Variants in TXNRD2 observed in about 807,000 individuals in gnomAD.
The protein encoded by TXNRD2 is thioredoxin reductase 2.
Under a neutral mutation model 70.8 loss-of-function variants are expected in TXNRD2, and 67 were observed. The observed-to-expected ratio is 0.95, with a 90% CI of 0.78 to 1.16. The LOEUF (loss-of-function observed/expected upper bound fraction) is 1.16. Among genes scored for constraint, TXNRD2 ranks in the 50% most tolerant of loss-of-function variants. The pLI is 0.00. For synonymous variants in TXNRD2, 301 were observed against 295.8 expected (o/e 1.02, Z -0.18); for missense variants, 644 against 719.9 (o/e 0.89, Z 1.21).
chr22:19,884,301 C>G (rs978134501), intron 11 of TXNRD2: 1 of 152,276 alleles, frequency 6.6e-6, no homozygotes, highest in South Asian at 2.1e-4. Context: ...GGGGTGCCAC[C>G]GGTGGAAACT....
intron 2 of TXNRD2, among the ~76,000 whole-genome samples, chr22:19,928,258 C>T (rs1328712317): frequency 6.6e-6 from 1 of 152,170 alleles, no homozygotes; most frequent in Non-Finnish European, 1.5e-5. Flanking sequence ...TATATCCACA[C>T]AAACACACAG....
intron 11 of TXNRD2, chr22:19,894,632 G>T (rs144547536): frequency 2.4e-4 from 43 of 179,478 alleles, no homozygotes; most frequent in Admixed American, 2.2e-3. Context: ...TGTTTCACAC[G>T]CAAAAAAAGA....
chr22:19,914,099 C>T (rs1169778578), intron 7 of TXNRD2, among the ~76,000 whole-genome samples: 6 of 152,138 alleles, frequency 3.9e-5, no homozygotes, highest in African/African-American at 7.2e-5. Context: ...TTACAAGATA[C>T]GTGAAGAAAC....
intron 8 of TXNRD2, among the ~76,000 whole-genome samples, chr22:19,904,288 C>T (rs1283847316): frequency 6.6e-6 from 1 of 152,258 alleles, no homozygotes. Flanking sequence ...ACCAGGTGCT[C>T]AGCCCACTCT....
chr22:19,902,134 C>G (rs530133254), intron 8 of TXNRD2, among the ~76,000 whole-genome samples: 1 of 152,306 alleles, frequency 6.6e-6, no homozygotes, highest in East Asian at 1.9e-4. Flanking sequence ...GAGTTTGAGG[C>G]TGCAGTAAGC....
intron 14 of TXNRD2, among the ~76,000 whole-genome samples, chr22:19,878,806 G>A (rs1157862353): frequency 6.6e-6 from 1 of 152,194 alleles, no homozygotes; most frequent in African/African-American, 2.4e-5. Context: ...AAGAATGGGT[G>A]AGCAGGAGGC....
intron 8 of TXNRD2, among the ~76,000 whole-genome samples, chr22:19,909,906 A>T (rs1232327952): frequency 1.3e-3 from 29 of 22,052 alleles, no homozygotes; most frequent in South Asian, 1.7e-3. Flanking sequence ...CACACACCAC[A>T]CACCCACACC....
rs755959199 is a variant in TXNRD2 at position 19,931,041 on chromosome 22, C to A, written c.161G>T (p.Cys54Phe). 1 of 1,613,812 alleles carries A rather than the reference C, an allele frequency of 6.2e-7. No individual in the cohort carries two copies. The highest frequency in any genetic ancestry group is 1.1e-5 in the South Asian group (1 of 91,078). ...VVGGGSGGLA[C>F]AKEAAQLGRK... ...TACAGAATACATACCCTCCTTGGCA[C>A]AAGCCAGGCCACCAGATCCCCCGCC... The change falls in exon 2 of 18, where the codon TGT becomes TTT. Residue 54 changes from cysteine (C) to phenylalanine (F), a missense_variant. Physicochemically the swap from Cys to Phe is radical, Grantham distance 205 (BLOSUM62 -2). This residue lies in a region of TXNRD2 where 566 missense variants were observed against 645.0 expected (regional missense o/e 0.88). Transcript: ENST00000400521.
chr22:19,901,934 CAT>C (rs1939796658), intron 8 of TXNRD2, among the ~76,000 whole-genome samples: 1 of 152,284 alleles, frequency 6.6e-6, no homozygotes, highest in South Asian at 2.1e-4. Flanking sequence ...TGCGGTGGGT[CAT>C]GTGTGCAATC....
intron 1 of TXNRD2, chr22:19,933,662 T>G: frequency 2.3e-6 from 1 of 427,514 alleles, no homozygotes; most frequent in Non-Finnish European, 4.0e-6. Flanking sequence ...GCATAGGAAA[T>G]CTGCCTTTAA....
At chr22:19,878,307 C>T (rs1938602516) in intron 15 of TXNRD2, 59 bp downstream of exon 15, 1 of 1,604,620 alleles carries the variant, frequency 6.2e-7, no homozygotes, top group African/African-American at 1.3e-5. Context: ...GTTCACCCTG[C>T]CAGGCTCTTT....
rs542873948 is a variant in TXNRD2 at position 19,914,564 on chromosome 22, C to T, written c.591+650G>A. On this transcript the variant is annotated intron_variant, in intron 7 of 17. Transcript: ENST00000400521. ...GTTACATGAGAAGGACTTACATGTA[C>T]GATTTCACTTACACGAGGTGCCTAG... 7.2e-5 allele frequency among the ~76,000 whole-genome samples: 11 copies of T among 152,106 alleles called. No individual in the cohort carries two copies. In the South Asian group the frequency reaches 1.5e-3, roughly 20 times the overall value.
intron 3 of TXNRD2, 122 bp downstream of exon 3, chr22:19,919,421 T>A: frequency 1.1e-6 from 1 of 890,292 alleles, no homozygotes; most frequent in Non-Finnish European, 1.8e-6. Context: ...AACAGGACAC[T>A]GTCCAGAAAC....
intron 8 of TXNRD2, among the ~76,000 whole-genome samples, chr22:19,901,461 G>A (rs781186761): frequency 4.6e-5 from 7 of 152,194 alleles, no homozygotes; most frequent in South Asian, 2.1e-4. Context: ...AAAAGCTCAC[G>A]TCTCGCTCGT....
chr22:19,936,517 C>T (rs190562102), intron 1 of TXNRD2, among the ~76,000 whole-genome samples: 41 of 152,278 alleles, frequency 2.7e-4, no homozygotes, highest in Admixed American at 1.2e-3. Context: ...GCCTCCGGAG[C>T]CATCCAAACT....
intron 4 of TXNRD2, 108 bp from the exon 5 acceptor site, chr22:19,918,325 A>G (rs1286934768): frequency 1.9e-6 from 2 of 1,065,886 alleles, no homozygotes; most frequent in East Asian, 2.5e-5. Context: ...ATATCAAAAA[A>G]CAAGAGTGCT....
intron 1 of TXNRD2, chr22:19,933,318 G>C: frequency 3.7e-6 from 2 of 544,680 alleles, no homozygotes; most frequent in Non-Finnish European, 3.2e-6. Context: ...ACCAAGGACT[G>C]CTGGTCAGGG....
At chr22:19,897,216 G>A (rs914528687) in intron 10 of TXNRD2, among the ~76,000 whole-genome samples, 2 of 152,116 alleles carry the variant, frequency 1.3e-5, no homozygotes, top group African/African-American at 4.8e-5. Flanking sequence ...GTCAGCCTGG[G>A]GGTGGCACTG....
intron 1 of TXNRD2, among the ~76,000 whole-genome samples, chr22:19,934,670 C>A (rs1941484154): frequency 6.6e-6 from 1 of 151,442 alleles, no homozygotes; most frequent in Non-Finnish European, 1.5e-5. Context: ...TCACACCATT[C>A]TCCTGTCTCA....
Sources: allele counts gnomAD v4.1 joint callset (sites outside exome capture counted in the v4.1 genomes callset), GRCh38; gene constraint gnomAD v4.1.1; regional missense constraint gnomAD v4.1.1; transcripts MANE v1.5; gene names NCBI Gene and HGNC (gene_info 2026-07-23, HGNC 2026-07-21).